The following CNTLN variants were observed in gnomAD, a reference collection of about 807,000 sequenced individuals.
CNTLN encodes the protein centlein.
In CNTLN, 212 loss-of-function variants were observed where a neutral mutation model predicts 180.0. The ratio of observed to expected loss-of-function variants is 1.18; its 90% CI spans 1.05 to 1.32. CNTLN has a LOEUF of 1.32. Among genes scored for constraint, CNTLN ranks in the 40% most tolerant of loss-of-function variants. CNTLN has a pLI of 0.00. For synonymous variants in CNTLN, 722 were observed against 563.1 expected (o/e 1.28, Z -3.99); for missense variants, 2,095 against 1,610.9 (o/e 1.30, Z -5.14).
At chr9:17,161,640 A>G (rs984574857) in intron 2 of CNTLN, among the ~76,000 whole-genome samples, 1 of 152,248 alleles carries the variant, frequency 6.6e-6, no homozygotes, top group East Asian at 1.9e-4. Flanking sequence ...TATTAGTAAT[A>G]CGTTATTTTT....
intron 15 of CNTLN, among the ~76,000 whole-genome samples, chr9:17,396,233 A>G (rs1826512351): frequency 6.6e-6 from 1 of 152,210 alleles, no homozygotes; most frequent in Non-Finnish European, 1.5e-5. Context: ...TGGAATAGCC[A>G]TTCTTTTATT....
chr9:17,252,428 A>T (rs1826199614), intron 5 of CNTLN, among the ~76,000 whole-genome samples: 1 of 151,428 alleles, frequency 6.6e-6, no homozygotes, highest in African/African-American at 2.4e-5. Context: ...TCCCTTTAAT[A>T]ATAGTCATTC....
rs28639570 is a variant in CNTLN, at chr9:17,435,751, C to T, written c.3114+19562C>T. On this transcript the variant is annotated intron_variant, in intron 18 of 25. Transcript: ENST00000380647. ...CTAATTTTTGTATTTTTAGTAGAGA[C>T]AGGGTTTCACCACGTTGGCCAGGCT... Among the ~76,000 whole-genome samples, 1,239 of 152,158 alleles carry T rather than the reference C, an allele frequency of 8.1e-3. 13 individuals are homozygous for T. The highest frequency in any genetic ancestry group is 0.027 in the African/African-American group (1,140 of 41,514).
intron 18 of CNTLN, among the ~76,000 whole-genome samples, chr9:17,426,909 T>C (rs1829120892): frequency 6.6e-6 from 1 of 152,142 alleles, no homozygotes; most frequent in East Asian, 1.9e-4. Context: ...ATTCCTGACC[T>C]ACACTGAAAA....
chr9:17,409,393 A>G lies in CNTLN; in HGVS notation c.2716A>G (p.Ser906Gly), dbSNP rs202048913. 2.8e-4 allele frequency: 445 copies of G among 1,613,456 alleles called. No homozygotes were observed. Among genetic ancestry groups the G allele is most frequent in the Non-Finnish European group, 3.6e-4 (427 of 1,179,676 alleles). ...GGAAGATGGAAAAGACCAGAAAGAAAGTGATCCAACAGAAGACAGCCAAAC... is the reference window on the plus strand; with the variant it reads ...GGAAGATGGAAAAGACCAGAAAGAAGGTGATCCAACAGAAGACAGCCAAAC... ...PTEDGKDQKE[S>G]DPTEDSQTQG... Residue 906 changes from serine (S) to glycine (G), a missense_variant, in exon 16 of 26, where the codon AGT becomes GGT. Coordinates refer to ENST00000380647, the MANE Select transcript of CNTLN (RefSeq NM_017738.4).
chr9:17,177,869 C>T (rs999547369), intron 2 of CNTLN, among the ~76,000 whole-genome samples: 2 of 152,158 alleles, frequency 1.3e-5, no homozygotes, highest in African/African-American at 4.8e-5. Context: ...GTTGCCACTG[C>T]TGGCTCAGGC....
intron 25 of CNTLN, among the ~76,000 whole-genome samples, chr9:17,502,234 T>G (rs572623633): frequency 4.1e-4 from 63 of 152,224 alleles, no homozygotes; most frequent in Non-Finnish European, 6.5e-4. Flanking sequence ...TAACCTACTA[T>G]TGATCAGCTG....
At chr9:17,324,281 G>GCCA (rs1440684579) in intron 8 of CNTLN, among the ~76,000 whole-genome samples, 2 of 152,140 alleles carry the variant, frequency 1.3e-5, no homozygotes, top group Non-Finnish European at 2.9e-5. Context: ...ATTTTAGGAT[G>GCCA]CCACTAACAG....
intron 2 of CNTLN, among the ~76,000 whole-genome samples, chr9:17,220,801 A>G (rs546584740): frequency 1.3e-4 from 20 of 151,660 alleles, no homozygotes; most frequent in Admixed American, 2.6e-4. Flanking sequence ...GCTTTGTAGT[A>G]TTCCACAGTG....
At chr9:17,472,072 A>G (rs1832068837) in intron 23 of CNTLN, among the ~76,000 whole-genome samples, 1 of 152,148 alleles carries the variant, frequency 6.6e-6, no homozygotes, top group Non-Finnish European at 1.5e-5. Context: ...GTATATTTCA[A>G]CCAAACAACA....
intron 2 of CNTLN, among the ~76,000 whole-genome samples, chr9:17,148,241 A>G (rs1436737646): frequency 6.6e-6 from 1 of 152,182 alleles, no homozygotes; most frequent in Admixed American, 6.5e-5. Context: ...TATTTTACCT[A>G]CAGTTACTTT....
At chr9:17,298,499 C>G (rs1818114113) in intron 7 of CNTLN, 147 bp downstream of exon 7, 7 of 1,325,610 alleles carry the variant, frequency 5.3e-6, no homozygotes, top group Middle Eastern at 2.8e-4. Context: ...AAGGATGGTT[C>G]AATTTGATAA....
chr9:17,392,811 G>A (rs531851602), intron 14 of CNTLN, among the ~76,000 whole-genome samples: 1 of 151,696 alleles, frequency 6.6e-6, no homozygotes, highest in South Asian at 2.1e-4. Context: ...AAAAAAAAGG[G>A]TAATATAGAA....
rs976790209 is a variant in CNTLN, at chr9:17,446,420, G to C, written c.3115-11104G>C. Among the ~76,000 whole-genome samples the C allele has an allele frequency of 3.3e-5, 5 of 152,156 alleles. No homozygotes were observed. In the South Asian group the frequency reaches 6.2e-4, roughly 19 times the overall value. On this transcript the variant is annotated intron_variant, in intron 18 of 25. Transcript: ENST00000380647. Reference sequence around the variant, plus strand: ...AGAAACATATGTCTTTCGCTAGCTTGAATATATGAATTTGGAGCTGCAAAT... The same window carrying C: ...AGAAACATATGTCTTTCGCTAGCTTCAATATATGAATTTGGAGCTGCAAAT...
rs139668338 is a variant in CNTLN, at chr9:17,281,617, C to T, written c.983+7751C>T. Among the ~76,000 whole-genome samples the T allele has an allele frequency of 3.2e-3, 482 of 152,228 alleles. 5 individuals are homozygous for T. Among genetic ancestry groups the T allele is most frequent in the African/African-American group, 0.011 (449 of 41,538 alleles). On this transcript the variant is annotated intron_variant, in intron 6 of 25. Transcript: ENST00000380647. Reference sequence around the variant, plus strand: ...CATGTCCCTGCAAAGGACATCATCTCGTTCCTTTTTATGGCTGCATCATAT... The same window carrying T: ...CATGTCCCTGCAAAGGACATCATCTTGTTCCTTTTTATGGCTGCATCATAT...
At chr9:17,374,094 C>G (rs9644816) in intron 13 of CNTLN, among the ~76,000 whole-genome samples, 1 of 152,018 alleles carries the variant, frequency 6.6e-6, no homozygotes. Context: ...GCACAGGCAA[C>G]CAAAGCAGAA....
chr9:17,487,183 A>G (rs1832935529), intron 25 of CNTLN, 117 bp downstream of exon 25: 1 of 722,822 alleles, frequency 1.4e-6, no homozygotes, highest in Non-Finnish European at 2.5e-6. Flanking sequence ...TCTGTTAGGT[A>G]AAGAAGTATT....
intron 2 of CNTLN, among the ~76,000 whole-genome samples, chr9:17,143,960 G>C (rs1049875844): frequency 6.6e-6 from 1 of 152,002 alleles, no homozygotes; most frequent in Non-Finnish European, 1.5e-5. Context: ...TCAAACATTT[G>C]GTATACAGTA....
chr9:17,369,713 G>A (rs1215519893), intron 13 of CNTLN, among the ~76,000 whole-genome samples: 1 of 151,774 alleles, frequency 6.6e-6, no homozygotes, highest in African/African-American at 2.4e-5. Context: ...CAGGGCGGGT[G>A]TGGTGGCTCA....
Sources: allele counts gnomAD v4.1 joint callset (sites outside exome capture counted in the v4.1 genomes callset), GRCh38; gene constraint gnomAD v4.1.1; transcripts MANE v1.5; gene names NCBI Gene and HGNC (gene_info 2026-07-23, HGNC 2026-07-21).